SESN2: variants seen among roughly 807,000 people sequenced by gnomAD.
SESN2 encodes sestrin 2.
SESN2 carries 42 observed loss-of-function variants against 56.0 expected under a neutral mutation model. The observed-to-expected ratio is 0.75, with a 90% confidence interval of 0.59 to 0.97. SESN2 has a LOEUF of 0.97. Among genes scored for constraint, SESN2 ranks in the 50% least tolerant of loss-of-function variants. SESN2 has a pLI of 0.00. For synonymous variants in SESN2, 264 were observed against 267.1 expected, an observed-to-expected ratio of 0.99 and a Z score of 0.11; for missense variants, 507 against 649.4, an observed-to-expected ratio of 0.78 and a Z score of 2.38.
Position 28,274,896 on chromosome 1 carries a change from T to G in SESN2, c.1092T>G (p.Asp364Glu), listed in dbSNP as rs35216750. 4 of 1,614,114 alleles carry G rather than the reference T, an allele frequency of 2.5e-6. No homozygotes were observed. Among genetic ancestry groups the G allele is most frequent in the Non-Finnish European group, 3.4e-6 (4 of 1,179,954 alleles). ...ACCCTGAGGGTGGGCAGCTGCTGGA[T>G]GAGAAGTTCCAGGCAGCCTATAGCC... ...RLYPEGGQLL[D>E]EKFQAAYSLT... is the part of the protein sequence containing the mutation. Residue 364 changes from aspartate to glutamate, a missense_variant, in exon 8 of 10, where the codon GAT becomes GAG. Transcript: ENST00000253063.
At chr1:28,269,146 CT>C (rs1303805521) in intron 1 of SESN2, 36 bp from the exon 2 acceptor site, 1 of 1,526,390 alleles carries the variant, frequency 6.6e-7, no homozygotes, top group East Asian at 2.3e-5. Flanking sequence ...TTTATTCTCC[CT>C]TCTACTACGG....
chr1:28,272,552 G>T, intron 4 of SESN2, 29 bp from the exon 5 acceptor site: 1 of 1,612,406 alleles, frequency 6.2e-7, no homozygotes, highest in Non-Finnish European at 8.5e-7. Context: ...GCACTGAGCA[G>T]CTCTGACCTC....
intron 8 of SESN2, among the ~76,000 whole-genome samples, chr1:28,275,678 G>A (rs1261787196): frequency 6.6e-6 from 1 of 152,002 alleles, no homozygotes; most frequent in Non-Finnish European, 1.5e-5. Context: ...CTTGAACCGG[G>A]GAGGCGGAGG....
At chr1:28,265,368 A>G (rs953571556) in intron 1 of SESN2, among the ~76,000 whole-genome samples, 5 of 152,092 alleles carry the variant, frequency 3.3e-5, no homozygotes, top group Non-Finnish European at 7.4e-5. Flanking sequence ...TCTGGCTGGA[A>G]TGCTGGTCCC....
chr1:28,274,616 C>CTA (rs1438900001), intron 7 of SESN2, among the ~76,000 whole-genome samples: 1 of 152,098 alleles, frequency 6.6e-6, no homozygotes, highest in Non-Finnish European at 1.5e-5. Flanking sequence ...AGGGACCCAT[C>CTA]TATACCCTAA....
intron 1 of SESN2, among the ~76,000 whole-genome samples, chr1:28,264,527 A>G (rs1647491782): frequency 6.6e-6 from 1 of 150,478 alleles, no homozygotes; most frequent in Admixed American, 6.6e-5. Flanking sequence ...ACTAGCTGTT[A>G]TTTTGGACAG....
Position 28,279,212 on chromosome 1 carries a change from T to C in SESN2, c.1327T>C (p.Phe443Leu). The C allele has an allele frequency of 6.2e-7, 1 of 1,614,168 alleles. No individual in the cohort carries two copies. Residue 443 changes from phenylalanine to leucine, a missense_variant, in exon 9 of 10, where the codon TTC becomes CTC. Phe to Leu is a conservative substitution (Grantham distance 22, BLOSUM62 0). Coordinates refer to ENST00000253063, the MANE Select transcript of SESN2 (RefSeq NM_031459.5). Reference sequence around the variant, plus strand: ...GACCACCCGAAGAATGTACAACCTCTTCTGGAGGCACTTCCGCCACTCAGA... The same window carrying C: ...GACCACCCGAAGAATGTACAACCTCCTCTGGAGGCACTTCCGCCACTCAGA... ...EKTTRRMYNLFWRHFRHSEKV... is the reference protein window; with the variant it reads ...EKTTRRMYNLLWRHFRHSEKV...
At chr1:28,275,074 C>T in intron 8 of SESN2, 59 bp downstream of exon 8, 3 of 1,241,004 alleles carry the variant, frequency 2.4e-6, no homozygotes, top group Non-Finnish European at 3.3e-6. Context: ...ACTCTGGGTT[C>T]ACAGTTGTTT....
chr1:28,274,885 C>T lies in SESN2; in HGVS notation c.1081C>T (p.Gln361Ter), dbSNP rs1426669113. 1.2e-6 allele frequency: 2 copies of T among 1,614,030 alleles called. No individual in the cohort carries two copies. Among genetic ancestry groups the T allele is most frequent in the Non-Finnish European group, 1.7e-6 (2 of 1,180,002 alleles). ...CCAGCGGCTTTACCCTGAGGGTGGG[C>T]AGCTGCTGGATGAGAAGTTCCAGGC... ...LIQRLYPEGGQLLDEKFQAAY... is the reference protein window; with the variant it reads ...LIQRLYPEGG The change falls in exon 8 of 10, where the codon CAG (glutamine) becomes TAG (stop). Residue 361 changes from glutamine to a stop codon, truncating the protein, a stop_gained. Coordinates refer to ENST00000253063, the MANE Select transcript of SESN2 (RefSeq NM_031459.5). LOFTEE classifies it high-confidence loss of function.
chr1:28,277,604 G>A (rs552756919), intron 8 of SESN2, among the ~76,000 whole-genome samples: 57 of 152,230 alleles, frequency 3.7e-4, no homozygotes, highest in Non-Finnish European at 7.1e-4. Context: ...ATTCATTTCA[G>A]TTGTTTTATT....
rs570691126 is a variant in SESN2, at chr1:28,260,750, C to A, written c.90+813C>A. The stretch of plus-strand genomic sequence containing the variant: ...CCCGGCATAGCCCGCAGGGGCTTTG[C>A]AGGGAGACCGGGAATTAGGCTGGAC... On this transcript the variant is annotated intron_variant, in intron 1 of 9. Transcript: ENST00000253063. 4.0e-5 allele frequency among the ~76,000 whole-genome samples: 6 copies of A among 149,054 alleles called. No individual in the cohort carries two copies. In the South Asian group the frequency reaches 1.3e-3, roughly 33 times the overall value.
At position 28,275,040 on chromosome 1, in the gene SESN2, G is replaced by T. The variant is rs754519406; in HGVS notation, c.1211+25G>T. On this transcript the variant is annotated intron_variant, in intron 8 of 9. Transcript: ENST00000253063. The stretch of plus-strand genomic sequence containing the variant: ...GGTGAGCTCATATCCCTTCATTTGG[G>T]GCATGTGTGCACTGTAAGTCTTCAC... The T allele has an allele frequency of 9.6e-6, 15 of 1,569,570 alleles. No individual in the cohort carries two copies. The Admixed American group carries it at 1.2e-4, about 13-fold the overall frequency.
chr1:28,270,224 G>A (rs1441091505), intron 2 of SESN2, among the ~76,000 whole-genome samples: 1 of 152,016 alleles, frequency 6.6e-6, no homozygotes. Context: ...GGTGGCGGGC[G>A]CCTGTAATCC....
intron 1 of SESN2, among the ~76,000 whole-genome samples, 200 bp downstream of exon 1, chr1:28,260,137 C>T (rs1487896162): frequency 2.8e-5 from 4 of 141,268 alleles, no homozygotes; most frequent in Non-Finnish European, 6.2e-5. Flanking sequence ...CCCTCCTTCT[C>T]CCCCTCCCTC....
chr1:28,268,286 A>C (rs892290263), intron 1 of SESN2, among the ~76,000 whole-genome samples: 1 of 152,202 alleles, frequency 6.6e-6, no homozygotes, highest in East Asian at 1.9e-4. Flanking sequence ...GGTGACTCCC[A>C]TCTGTAATCC....
chr1:28,259,881 C>A lies in SESN2; in HGVS notation c.34C>A (p.Leu12Ile). 6.9e-7 allele frequency: 1 copy of A among 1,444,354 alleles called. No homozygotes were observed. 89.5% of individuals were successfully genotyped at this position (1,444,354 alleles called of 1,614,324 possible). A position where few individuals can be genotyped will look rare whatever the true frequency, so the allele number is the denominator to read the frequency against. Residue 12 changes from leucine (L) to isoleucine (I), a missense_variant, in exon 1 of 10, where the codon CTC (leucine) becomes ATC (isoleucine). Coordinates refer to ENST00000253063, the MANE Select transcript of SESN2 (RefSeq NM_031459.5). ...GGCGGACTCCGAGTGCCGCGCAGAG[C>A]TCAAGGACTACCTGCGGTTCGCCCC... ...IVADSECRAE[L>I]KDYLRFAPGG...
rs1344520352 is a variant in SESN2 at position 28,280,891 on chromosome 1, AC to A, written c.*92del. 1.1e-5 allele frequency: 10 copies of A among 952,258 alleles called. No individual in the cohort carries two copies. The highest frequency in any genetic ancestry group is 1.6e-5 in the African/African-American group (1 of 62,144). The allele number at this position is 952,258 out of a possible 1,614,324, so 59.0% of individuals were successfully genotyped here. ...CCAGACCCTTTTGTGTCCCATGCCC[AC>A]CCTCCCCACGCTGCAGTGGGCTTGT... On this transcript the variant is annotated 3_prime_UTR_variant, in exon 10 of 10. Transcript: ENST00000253063.
At chr1:28,262,876 C>T (rs1207542079) in intron 1 of SESN2, among the ~76,000 whole-genome samples, 5 of 151,692 alleles carry the variant, frequency 3.3e-5, no homozygotes, top group Admixed American at 1.3e-4. Flanking sequence ...TGCAGTGAGC[C>T]GAGATCGCTT....
chr1:28,276,683 G>T (rs114343730), intron 8 of SESN2, among the ~76,000 whole-genome samples: 3,809 of 142,204 alleles, frequency 0.027, 159 homozygotes, highest in African/African-American at 0.093. Context: ...GGATTCGAGG[G>T]ATTCTCCCGC....
Sources: gnomAD v4.1 joint callset for allele counts (sites outside exome capture counted in the v4.1 genomes callset) on GRCh38, gnomAD v4.1.1 for gene constraint, MANE v1.5 for transcripts, NCBI Gene and HGNC (gene_info 2026-07-23, HGNC 2026-07-21) for gene names.